The following FHIT variants were observed in gnomAD, a reference collection of about 807,000 sequenced individuals.
FHIT encodes the protein bis(5'-adenosyl)-triphosphatase.
A neutral mutation model predicts 17.9 loss-of-function variants in FHIT; 19 were observed. The observed-to-expected ratio is 1.06, with a 90% CI of 0.74 to 1.56. The LOEUF (loss-of-function observed/expected upper bound fraction) is 1.56. FHIT is among the 40% of genes most tolerant of loss of function. The pLI is 0.00. For synonymous variants in FHIT, 81 were observed against 69.7 expected, an observed-to-expected ratio of 1.16 and a Z score of -0.81; for missense variants, 248 against 189.2, an observed-to-expected ratio of 1.31 and a Z score of -1.82.
chr3:60,142,678 GTTTC>G (rs935252333), intron 5 of FHIT, among the ~76,000 whole-genome samples: 1 of 146,108 alleles, frequency 6.8e-6, no homozygotes, highest in African/African-American at 2.6e-5. Flanking sequence ...ACATTTTTGC[GTTTC>G]TTTTTTTTTT....
At chr3:61,101,222 T>G (rs1275268659) in intron 2 of FHIT, among the ~76,000 whole-genome samples, 1 of 152,240 alleles carries the variant, frequency 6.6e-6, no homozygotes, top group Non-Finnish European at 1.5e-5. Flanking sequence ...TAATCCATCT[T>G]GAATTAATTT....
At chr3:60,050,465 T>A (rs1283670188) in intron 5 of FHIT, among the ~76,000 whole-genome samples, 1 of 152,162 alleles carries the variant, frequency 6.6e-6, no homozygotes, top group African/African-American at 2.4e-5. Flanking sequence ...GTTGCCAACA[T>A]CCTAGGCTTA....
At chr3:60,724,586 T>C (rs954078128) in intron 4 of FHIT, among the ~76,000 whole-genome samples, 1 of 151,864 alleles carries the variant, frequency 6.6e-6, no homozygotes, top group Non-Finnish European at 1.5e-5. Context: ...TACTTACCAA[T>C]GGCAGTGTAA....
At chr3:60,955,587 C>CGTATATATACATATATATACATAT (rs1553778423) in intron 3 of FHIT, among the ~76,000 whole-genome samples, 1 of 22,912 alleles carries the variant, frequency 4.4e-5, no homozygotes, top group African/African-American at 2.5e-4. Context: ...TCTGCTTAGG[C>CGTATATATACATATATATACATAT]ATATATATAC....
chr3:61,249,949 C>T (rs1251166359), intron 1 of FHIT, among the ~76,000 whole-genome samples: 6 of 115,170 alleles, frequency 5.2e-5, no homozygotes, highest in Admixed American at 3.5e-4. Flanking sequence ...CACACACACA[C>T]ACACACACAC....
At chr3:59,963,810 G>A (rs78999349) in intron 7 of FHIT, among the ~76,000 whole-genome samples, 1,963 of 152,240 alleles carry the variant, frequency 0.013, 37 homozygotes, top group African/African-American at 0.044. Context: ...TTAAAATAGC[G>A]TGTGAATAAA....
chr3:60,490,123 G>A (rs141063611), intron 5 of FHIT, among the ~76,000 whole-genome samples: 210 of 152,012 alleles, frequency 1.4e-3, no homozygotes, highest in African/African-American at 4.8e-3. Flanking sequence ...CTAGCAATTC[G>A]GTAATCACAG....
intron 5 of FHIT, among the ~76,000 whole-genome samples, chr3:60,199,632 C>T (rs1702806390): frequency 6.6e-6 from 1 of 152,170 alleles, no homozygotes; most frequent in Admixed American, 6.5e-5. Context: ...TCTCCTAAGA[C>T]TGGCTTCAGG....
At chr3:60,444,372 C>G (rs1430652660) in intron 5 of FHIT, among the ~76,000 whole-genome samples, 1 of 152,142 alleles carries the variant, frequency 6.6e-6, no homozygotes, top group Non-Finnish European at 1.5e-5. Context: ...ATAAATCATG[C>G]TGCTATAAAG....
At chr3:60,613,261 G>C (rs1411480768) in intron 4 of FHIT, among the ~76,000 whole-genome samples, 1 of 152,134 alleles carries the variant, frequency 6.6e-6, no homozygotes, top group Non-Finnish European at 1.5e-5. Flanking sequence ...CACTGAATGA[G>C]TACAACCCTG....
At chr3:60,962,271 C>A (rs1199142618) in intron 3 of FHIT, among the ~76,000 whole-genome samples, 5 of 152,138 alleles carry the variant, frequency 3.3e-5, no homozygotes, top group Non-Finnish European at 5.9e-5. Flanking sequence ...ATTTTTTGCA[C>A]ACTGATTTTG....
At chr3:60,826,026 A>T (rs1459033938) in intron 3 of FHIT, among the ~76,000 whole-genome samples, 1 of 152,138 alleles carries the variant, frequency 6.6e-6, no homozygotes, top group Admixed American at 6.5e-5. Context: ...CTGACCAAAC[A>T]AAAACGGATA....
intron 5 of FHIT, among the ~76,000 whole-genome samples, chr3:60,445,485 A>T (rs1411698340): frequency 6.6e-6 from 1 of 152,212 alleles, no homozygotes; most frequent in African/African-American, 2.4e-5. Context: ...GAAGAAGAAA[A>T]AAAAAAGAAA....
chr3:59,929,783 T>G (rs899103449), intron 7 of FHIT, among the ~76,000 whole-genome samples: 1 of 151,930 alleles, frequency 6.6e-6, no homozygotes, highest in South Asian at 2.1e-4. Context: ...AGGAGAAAAT[T>G]TAGATCACCA....
intron 3 of FHIT, among the ~76,000 whole-genome samples, chr3:61,021,281 A>C (rs557543051): frequency 6.6e-6 from 1 of 152,230 alleles, no homozygotes; most frequent in Admixed American, 6.5e-5. Flanking sequence ...AAGTGGAAGT[A>C]AAACACTCCT....
intron 8 of FHIT, among the ~76,000 whole-genome samples, chr3:59,891,932 C>A (rs185858774): frequency 6.6e-6 from 1 of 152,172 alleles, no homozygotes; most frequent in East Asian, 1.9e-4. Context: ...TTTAAAGAGA[C>A]GTTAGAAAGC....
At chr3:60,011,057 A>G (rs1157932138) in intron 7 of FHIT, among the ~76,000 whole-genome samples, 1 of 152,234 alleles carries the variant, frequency 6.6e-6, no homozygotes, top group Admixed American at 6.5e-5. Flanking sequence ...CAGGAAGCTC[A>G]CATGCTATTT....
chr3:60,177,824 T>G (rs1332089532), intron 5 of FHIT, among the ~76,000 whole-genome samples: 1 of 152,198 alleles, frequency 6.6e-6, no homozygotes, highest in Non-Finnish European at 1.5e-5. Context: ...ATACTGTCAT[T>G]TCCTTTGCTT....
Position 60,295,295 on chromosome 3 carries a change from G to A in FHIT, c.103+241565C>T, listed in dbSNP as rs530303709. ...GATATAAAGGAAGACCTGAAACTGG[G>A]TAACTTACAAAGAAAAAAGGTTTAT... On this transcript the variant is annotated intron_variant, in intron 5 of 9. Transcript: ENST00000492590. Among the ~76,000 whole-genome samples, 3 of 152,190 alleles carry A rather than the reference G, an allele frequency of 2.0e-5. No individual in the cohort carries two copies. The South Asian group carries it at 6.2e-4, about 32-fold the overall frequency.
Sources: allele counts gnomAD v4.1 joint callset (sites outside exome capture counted in the v4.1 genomes callset), GRCh38; gene constraint gnomAD v4.1.1; transcripts MANE v1.5; gene names NCBI Gene and HGNC (gene_info 2026-07-23, HGNC 2026-07-21).